Variants in SPAG16 observed in about 807,000 individuals in gnomAD.
The protein encoded by SPAG16 is sperm-associated antigen 16 protein.
Under a neutral mutation model 80.4 loss-of-function variants are expected in SPAG16, and 86 were observed. The ratio of observed to expected loss-of-function variants is 1.07; its 90% CI spans 0.90 to 1.28. The LOEUF is 1.28. SPAG16 is among the 50% of genes most tolerant of loss of function. The pLI is 0.00. For synonymous variants in SPAG16, 294 were observed against 265.9 expected, an observed-to-expected ratio of 1.11 and a Z score of -1.03; for missense variants, 870 against 765.3, an observed-to-expected ratio of 1.14 and a Z score of -1.61.
At chr2:213,907,189 T>C (rs989317385) in intron 11 of SPAG16, among the ~76,000 whole-genome samples, 2 of 152,040 alleles carry the variant, frequency 1.3e-5, no homozygotes, top group African/African-American at 2.4e-5. Flanking sequence ...TGACAAAACC[T>C]ACAAGCAATC....
intron 10 of SPAG16, among the ~76,000 whole-genome samples, chr2:213,860,477 A>C (rs533896601): frequency 5.1e-5 from 7 of 137,692 alleles, no homozygotes; most frequent in South Asian, 2.3e-4. Flanking sequence ...ATCTATCTAT[A>C]TATATATATA....
At chr2:213,961,649 G>C (rs1204405120) in intron 12 of SPAG16, among the ~76,000 whole-genome samples, 1 of 148,092 alleles carries the variant, frequency 6.8e-6, no homozygotes, top group Non-Finnish European at 1.5e-5. Context: ...ATTATTGTGT[G>C]GTATTATTCT....
intron 10 of SPAG16, among the ~76,000 whole-genome samples, chr2:213,697,511 A>T (rs1413809376): frequency 6.6e-6 from 1 of 152,186 alleles, no homozygotes; most frequent in African/African-American, 2.4e-5. Flanking sequence ...GATGTGAAAA[A>T]ATTGAAGATT....
chr2:213,472,962 G>A (rs2073168643), intron 9 of SPAG16, among the ~76,000 whole-genome samples: 1 of 152,174 alleles, frequency 6.6e-6, no homozygotes, highest in African/African-American at 2.4e-5. Context: ...TAGTGTAGTG[G>A]TGTCCTTCCT....
rs1013557540 is a variant in SPAG16, at chr2:213,376,421, G to A, written c.942+1302G>A. 2.3e-3 allele frequency among the ~76,000 whole-genome samples: 351 copies of A among 152,114 alleles called. 4 individuals are homozygous for A. Among genetic ancestry groups the A allele is most frequent in the African/African-American group, 8.2e-3 (340 of 41,546 alleles). On this transcript the variant is annotated intron_variant, in intron 9 of 15. Coordinates refer to ENST00000331683, the MANE Select transcript of SPAG16 (RefSeq NM_024532.5). Reference sequence around the variant, plus strand: ...TATGCATAGTATATTATTTTATGGTGTTGCATTCTGATATTTAACGTAATA... The same window carrying A: ...TATGCATAGTATATTATTTTATGGTATTGCATTCTGATATTTAACGTAATA...
intron 15 of SPAG16, among the ~76,000 whole-genome samples, chr2:214,303,710 T>A (rs1271244594): frequency 6.6e-6 from 1 of 152,212 alleles, no homozygotes; most frequent in African/African-American, 2.4e-5. Context: ...CCATCAAATA[T>A]GATTTTCTTT....
chr2:213,766,749 C>T (rs1009193679), intron 10 of SPAG16, among the ~76,000 whole-genome samples: 4 of 152,110 alleles, frequency 2.6e-5, no homozygotes, highest in Non-Finnish European at 4.4e-5. Context: ...AAAGTGTCTT[C>T]GAGATGTGCC....
chr2:214,246,726 TCCAGA>T lies in SPAG16; in HGVS notation c.1720+97461_1720+97465del, dbSNP rs1299227995. ...CCACCCAGCCAAGTCCTTTCTGAAC[TCCAGA>T]GCTTTGGGGAATGTTAAATATAATA... On this transcript the variant is annotated intron_variant, in intron 15 of 15. Transcript: ENST00000331683. 5.0e-3 allele frequency among the ~76,000 whole-genome samples: 764 copies of T among 152,226 alleles called. 5 individuals carry two copies. Among genetic ancestry groups the T allele is most frequent in the African/African-American group, 0.017 (723 of 41,558 alleles).
At chr2:213,359,645 G>T (rs2065866013) in intron 7 of SPAG16, among the ~76,000 whole-genome samples, 1 of 152,238 alleles carries the variant, frequency 6.6e-6, no homozygotes, top group South Asian at 2.1e-4. Context: ...GCAGTATTTG[G>T]ACAGAAGTGC....
chr2:214,272,861 CACCACA>C (rs1692138123), intron 15 of SPAG16, among the ~76,000 whole-genome samples: 1 of 120,280 alleles, frequency 8.3e-6, no homozygotes, highest in South Asian at 3.2e-4. Flanking sequence ...CCTGAGGAAT[CACCACA>C]CTGTCTTCCA....
intron 15 of SPAG16, among the ~76,000 whole-genome samples, chr2:214,178,050 ATTTGTG>A (rs1236985615): frequency 7.0e-6 from 1 of 142,760 alleles, no homozygotes; most frequent in Non-Finnish European, 1.5e-5. Context: ...AAGTAGATAT[ATTTGTG>A]TTTATATATA....
intron 12 of SPAG16, among the ~76,000 whole-genome samples, chr2:213,986,379 T>C (rs2046003180): frequency 6.6e-6 from 1 of 152,090 alleles, no homozygotes. Context: ...AATTAACTAT[T>C]CAATTCTCTC....
At chr2:214,140,450 C>A (rs933709050) in intron 14 of SPAG16, among the ~76,000 whole-genome samples, 5 of 151,886 alleles carry the variant, frequency 3.3e-5, no homozygotes, top group African/African-American at 4.8e-5. Flanking sequence ...TACTGTTTTC[C>A]ATTTTAGATC....
intron 10 of SPAG16, among the ~76,000 whole-genome samples, chr2:213,690,132 C>CT (rs1559379041): frequency 1.3e-5 from 2 of 152,162 alleles, no homozygotes; most frequent in African/African-American, 4.8e-5. Flanking sequence ...TTTATACTGG[C>CT]TATTTTTTCT....
chr2:213,884,500 T>C (rs2076478606), intron 11 of SPAG16, among the ~76,000 whole-genome samples: 1 of 152,204 alleles, frequency 6.6e-6, no homozygotes. Context: ...GTGTAGTATC[T>C]ACGCTGTTCT....
intron 13 of SPAG16, among the ~76,000 whole-genome samples, chr2:214,059,210 A>ATGTATGTG (rs1306215210): frequency 2.4e-5 from 2 of 82,354 alleles, no homozygotes; most frequent in African/African-American, 4.4e-5. Flanking sequence ...ATATATATAT[A>ATGTATGTG]TATATGTATG....
chr2:213,369,977 A>G (rs2066543469), intron 8 of SPAG16, among the ~76,000 whole-genome samples: 1 of 152,210 alleles, frequency 6.6e-6, no homozygotes, highest in Non-Finnish European at 1.5e-5. Flanking sequence ...CAACACATTT[A>G]TGACGTGTAT....
intron 14 of SPAG16, among the ~76,000 whole-genome samples, chr2:214,120,109 A>G (rs1242151277): frequency 3.3e-5 from 5 of 151,822 alleles, no homozygotes; most frequent in Admixed American, 3.3e-4. Flanking sequence ...TTATGTTATT[A>G]AATATTGTGT....
Position 213,376,031 on chromosome 2 carries a change from A to C in SPAG16, c.942+912A>C, listed in dbSNP as rs1000965001. On this transcript the variant is annotated intron_variant, in intron 9 of 15. Transcript: ENST00000331683. ...ATACAATACCAGAATCCAATGTATA[A>C]AATATTTATACAATAAAATAAAAAC... is the stretch of plus-strand genomic sequence containing the variant. Among the ~76,000 whole-genome samples, 6 of 151,100 alleles carry C rather than the reference A, an allele frequency of 4.0e-5. No homozygotes were observed. The East Asian group carries it at 1.2e-3, about 29-fold the overall frequency.
Sources: allele counts gnomAD v4.1 joint callset (sites outside exome capture counted in the v4.1 genomes callset), GRCh38; gene constraint gnomAD v4.1.1; transcripts MANE v1.5; gene names NCBI Gene and HGNC (gene_info 2026-07-23, HGNC 2026-07-21).